CDC73: variants seen among roughly 807,000 people sequenced by gnomAD.
The protein encoded by CDC73 is cell division cycle 73, also known as parafibromin.
In CDC73, 21 loss-of-function variants were observed where a neutral mutation model predicts 83.7. That is an observed-to-expected ratio of 0.25 (90% CI 0.18 to 0.36). CDC73 has a LOEUF of 0.36. Among genes scored for constraint, CDC73 ranks in the 10% least tolerant of loss-of-function variants. CDC73 has a pLI of 1.00. For synonymous variants in CDC73, 224 were observed against 212.9 expected (o/e 1.05, Z -0.45); for missense variants, 342 against 653.3 (o/e 0.52, Z 5.19).
At chr1:193,163,212 G>A (rs1339273565) in intron 10 of CDC73, among the ~76,000 whole-genome samples, 1 of 150,528 alleles carries the variant, frequency 6.6e-6, no homozygotes, top group African/African-American at 2.4e-5. Flanking sequence ...CCCCCTCCTA[G>A]AAAAGTTAAC....
At chr1:193,140,426 C>T (rs562209158) in intron 6 of CDC73, among the ~76,000 whole-genome samples, 21 of 152,248 alleles carry the variant, frequency 1.4e-4, no homozygotes, top group Non-Finnish European at 2.9e-4. Context: ...TCCAAGACCT[C>T]CAGTGGATGC....
At chr1:193,191,498 C>G (rs940549746) in intron 10 of CDC73, among the ~76,000 whole-genome samples, 32 of 152,224 alleles carry the variant, frequency 2.1e-4, no homozygotes, top group African/African-American at 7.5e-4. Flanking sequence ...AGTGATTCTC[C>G]TTCGTCAGCC....
chr1:193,221,889 A>G (rs969794778), intron 13 of CDC73, among the ~76,000 whole-genome samples: 24 of 152,204 alleles, frequency 1.6e-4, no homozygotes, highest in African/African-American at 5.8e-4. Context: ...TGCATAATTG[A>G]AACCTCCTCC....
rs891877882 is a variant in CDC73, at chr1:193,225,912, G to C, written c.1155-7081G>C. On this transcript the variant is annotated intron_variant, in intron 13 of 16. Coordinates refer to ENST00000367435, the MANE Select transcript of CDC73 (RefSeq NM_024529.5). ...GTGCAAAAGCTCTTTAGTTTAATTA[G>C]GTCTCAGCCATTTATATTTGTTTTT... 2.0e-5 allele frequency among the ~76,000 whole-genome samples: 3 copies of C among 152,014 alleles called. No individual in the cohort carries two copies. In the East Asian group the frequency reaches 5.8e-4, roughly 29 times the overall value.
In CDC73 at chr1:193,212,441, C is replaced by A. The variant is rs1677295616; in HGVS notation, c.1118C>A (p.Thr373Asn). The change falls in exon 13 of 17, where the codon ACC becomes AAC. Residue 373 changes from threonine to asparagine, a missense_variant. Transcript: ENST00000367435. ...CCTGCAGCTACCACCTCTTTAATAACCATGCTTAATGCAAAAGACCTTCTA... is the reference window on the plus strand; with the variant it reads ...CCTGCAGCTACCACCTCTTTAATAAACATGCTTAATGCAAAAGACCTTCTA... ...IIPAATTSLI[T>N]MLNAKDLLQD... The A allele has an allele frequency of 6.2e-7, 1 of 1,607,898 alleles. No individual in the cohort carries two copies.
Position 193,122,097 on chromosome 1 carries a change from G to T in CDC73, c.-104G>T. ...GTGCTGCTGCTGTTGGTTCGTCGCG[G>T]CGGCGAAGGAGGAGGAGGAAGAGGG... is the stretch of plus-strand genomic sequence containing the variant. On this transcript the variant is annotated 5_prime_UTR_variant, in exon 1 of 17. Coordinates refer to ENST00000367435, the MANE Select transcript of CDC73 (RefSeq NM_024529.5). 8.8e-7 allele frequency: 1 copy of T among 1,136,054 alleles called. No individual in the cohort carries two copies. Among genetic ancestry groups the T allele is most frequent in the Non-Finnish European group, 1.3e-6 (1 of 761,972 alleles). 70.4% of individuals were successfully genotyped at this position (1,136,054 alleles called of 1,614,324 possible). A position where few individuals can be genotyped will look rare whatever the true frequency, so the allele number is the denominator to read the frequency against.
At chr1:193,224,900 A>T (rs1222982350) in intron 13 of CDC73, among the ~76,000 whole-genome samples, 1 of 151,926 alleles carries the variant, frequency 6.6e-6, no homozygotes, top group African/African-American at 2.4e-5. Context: ...TTAAAAAAAA[A>T]TTTATTTCCA....
At chr1:193,191,134 T>C (rs1676911282) in intron 10 of CDC73, among the ~76,000 whole-genome samples, 1 of 152,224 alleles carries the variant, frequency 6.6e-6, no homozygotes, top group African/African-American at 2.4e-5. Flanking sequence ...CTGAATTATC[T>C]AGAAATGTAA....
At position 193,132,613 on chromosome 1, in the gene CDC73, A is replaced by AT. The variant is rs778924128; in HGVS notation, c.307+2384dup. 3.4e-3 allele frequency among the ~76,000 whole-genome samples: 477 copies of AT among 138,748 alleles called. 2 individuals carry two copies. The highest frequency in any genetic ancestry group is 8.8e-3 in the South Asian group (39 of 4,430). The allele number at this position is 138,748 out of a possible 152,430, so 91.0% of individuals were successfully genotyped here. On this transcript the variant is annotated intron_variant, in intron 3 of 16. Coordinates refer to ENST00000367435, the MANE Select transcript of CDC73 (RefSeq NM_024529.5). The stretch of plus-strand genomic sequence containing the variant: ...CAGGCATGAGCCACTGTGCCCAGCC[A>AT]TTTTTTTTTTTTTTAATCAAAGCAA...
chr1:193,222,129 A>G (rs1000599018), intron 13 of CDC73, among the ~76,000 whole-genome samples: 2 of 152,238 alleles, frequency 1.3e-5, no homozygotes, highest in Non-Finnish European at 1.5e-5. Flanking sequence ...CTTTACATCT[A>G]TAAACATGAT....
At chr1:193,217,779 G>A (rs1677395663) in intron 13 of CDC73, among the ~76,000 whole-genome samples, 1 of 152,122 alleles carries the variant, frequency 6.6e-6, no homozygotes, top group Non-Finnish European at 1.5e-5. Flanking sequence ...GTAGGTTCAT[G>A]AGGGTGGAGC....
intron 14 of CDC73, among the ~76,000 whole-genome samples, chr1:193,235,488 G>GGATAAGTAAAC (rs1677741156): frequency 1.3e-5 from 2 of 152,102 alleles, no homozygotes; most frequent in Non-Finnish European, 2.9e-5. Context: ...TGATAATGTT[G>GGATAAGTAAAC]TTGTTTTGTT....
At position 193,254,055 on chromosome 1, in the gene CDC73, T is replaced by C. The variant is rs1678091739; in HGVS notation, c.*3343T>C. Among the ~76,000 whole-genome samples, 1 of 151,974 alleles carries C rather than the reference T, an allele frequency of 6.6e-6. No individual in the cohort carries two copies. The highest frequency in any genetic ancestry group is 6.6e-5 in the Admixed American group (1 of 15,264). ...CTAGTCAAATTAATGGCTTAGAAAG[T>C]AGCTGTAAACTTTGTGTTTTGAAAT... is the stretch of plus-strand genomic sequence containing the variant. On this transcript the variant is annotated 3_prime_UTR_variant, in exon 17 of 17. Transcript: ENST00000367435.
chr1:193,186,327 G>A (rs1027944036), intron 10 of CDC73: 4 of 152,408 alleles, frequency 2.6e-5, no homozygotes, highest in African/African-American at 4.8e-5. Context: ...GACAGTTGAT[G>A]CATTGAAGCT....
At chr1:193,168,000 A>G (rs1676460607) in intron 10 of CDC73, among the ~76,000 whole-genome samples, 1 of 152,040 alleles carries the variant, frequency 6.6e-6, no homozygotes, top group South Asian at 2.1e-4. Flanking sequence ...AGCTGGGATT[A>G]CAGATGCCTG....
At position 193,125,118 on chromosome 1, in the gene CDC73, A is replaced by G. The variant is rs1572142522; in HGVS notation, c.138A>G (p.Gly46=). Residue 46 remains glycine (G), a synonymous_variant, in exon 2 of 17, where the codon GGA becomes GGG. Transcript: ENST00000367435. ...VKTNYVVWGT[G]KEGQPREYYT... The stretch of plus-strand genomic sequence containing the variant: ...CTTGCCTTAATTATTTCAGGACTGG[A>G]AAGGAAGGCCAACCCAGAGAGTACT... 1 of 1,571,690 alleles carries G rather than the reference A, an allele frequency of 6.4e-7. No individual in the cohort carries two copies. Among genetic ancestry groups the G allele is most frequent in the East Asian group, 2.2e-5 (1 of 44,656 alleles).
intron 10 of CDC73, among the ~76,000 whole-genome samples, chr1:193,201,386 C>T (rs760358937): frequency 7.2e-5 from 11 of 152,114 alleles, no homozygotes; most frequent in Admixed American, 1.3e-4. Context: ...TCTTTTCTTG[C>T]GTTATAGCTT....
At chr1:193,197,183 G>T (rs1471145187) in intron 10 of CDC73, among the ~76,000 whole-genome samples, 2 of 152,002 alleles carry the variant, frequency 1.3e-5, no homozygotes, top group Non-Finnish European at 2.9e-5. Context: ...TACATCATTT[G>T]AGATGACCAT....
chr1:193,147,824 G>A (rs1226199931), intron 7 of CDC73, 43 bp from the exon 8 acceptor site: 4 of 1,030,456 alleles, frequency 3.9e-6, no homozygotes, highest in African/African-American at 1.6e-5. Context: ...ATTTACTATT[G>A]TATATTTAAA....
Sources: allele counts gnomAD v4.1 joint callset (sites outside exome capture counted in the v4.1 genomes callset), GRCh38; gene constraint gnomAD v4.1.1; transcripts MANE v1.5; gene names NCBI Gene and HGNC (gene_info 2026-07-23, HGNC 2026-07-21).